SORCS2: variants seen among roughly 807,000 people sequenced by gnomAD.
SORCS2 encodes VPS10 domain-containing receptor SorCS2.
SORCS2 carries 100 observed loss-of-function variants against 141.6 expected under a neutral mutation model. The observed-to-expected ratio is 0.71, with a 90% CI of 0.60 to 0.83. The LOEUF is 0.83. SORCS2 is among the 40% of genes least tolerant of loss of function. SORCS2 has a pLI of 0.00. For synonymous variants in SORCS2, 789 were observed against 676.9 expected, an observed-to-expected ratio of 1.17 and a Z score of -2.57; for missense variants, 1,646 against 1,560.2, an observed-to-expected ratio of 1.05 and a Z score of -0.93.
At chr4:7,240,143 A>G (rs1712590684) in intron 1 of SORCS2, among the ~76,000 whole-genome samples, 1 of 151,760 alleles carries the variant, frequency 6.6e-6, no homozygotes, top group African/African-American at 2.4e-5. Flanking sequence ...GGCTGTGATG[A>G]CCCCGGCCCC....
chr4:7,724,165 G>GGTC (rs1478061214), intron 19 of SORCS2, among the ~76,000 whole-genome samples: 21 of 150,434 alleles, frequency 1.4e-4, no homozygotes, highest in African/African-American at 4.9e-4. Context: ...TGGTGGTGAT[G>GGTC]GTGGTGATGG....
intron 2 of SORCS2, among the ~76,000 whole-genome samples, chr4:7,473,846 G>A (rs1020396502): frequency 2.6e-5 from 4 of 152,272 alleles, no homozygotes; most frequent in South Asian, 2.1e-4. Flanking sequence ...TGGCTCTGGC[G>A]GGGTCTGGGG....
At chr4:7,278,151 G>C (rs887419470) in intron 1 of SORCS2, among the ~76,000 whole-genome samples, 1 of 152,162 alleles carries the variant, frequency 6.6e-6, no homozygotes, top group Non-Finnish European at 1.5e-5. Flanking sequence ...ACAGCCCCAC[G>C]CTGCACCCTG....
intron 1 of SORCS2, among the ~76,000 whole-genome samples, chr4:7,314,097 A>C (rs1577387780): frequency 6.6e-6 from 1 of 152,220 alleles, no homozygotes; most frequent in East Asian, 1.9e-4. Flanking sequence ...CCAGCAGCAC[A>C]TCTGCTTCTC....
chr4:7,305,044 T>C (rs1560178248), intron 1 of SORCS2, among the ~76,000 whole-genome samples: 1 of 151,860 alleles, frequency 6.6e-6, no homozygotes, highest in East Asian at 1.9e-4. Context: ...TTTTTTTTTT[T>C]TTTTTTGAGA....
chr4:7,736,471 A>G (rs1214844533), intron 25 of SORCS2, among the ~76,000 whole-genome samples: 1 of 152,194 alleles, frequency 6.6e-6, no homozygotes, highest in African/African-American at 2.4e-5. Flanking sequence ...TCATCTGTGA[A>G]ATGGGACCCT....
At chr4:7,373,952 T>G (rs1332916504) in intron 1 of SORCS2, among the ~76,000 whole-genome samples, 1 of 152,208 alleles carries the variant, frequency 6.6e-6, no homozygotes, top group Admixed American at 6.5e-5. Context: ...TGATTCCTGC[T>G]TTTATGCCTT....
intron 3 of SORCS2, among the ~76,000 whole-genome samples, chr4:7,560,486 G>T (rs752280855): frequency 7.9e-5 from 12 of 152,172 alleles, no homozygotes; most frequent in Non-Finnish European, 1.5e-4. Flanking sequence ...TAAGGTGGAG[G>T]TGACAGTGCT....
intron 3 of SORCS2, among the ~76,000 whole-genome samples, chr4:7,595,204 G>T (rs1329094421): frequency 6.6e-6 from 1 of 152,126 alleles, no homozygotes; most frequent in Non-Finnish European, 1.5e-5. Context: ...GTTTATTATG[G>T]ATACAACTCA....
At chr4:7,397,636 C>T (rs988686403) in intron 2 of SORCS2, among the ~76,000 whole-genome samples, 7 of 152,152 alleles carry the variant, frequency 4.6e-5, no homozygotes, top group South Asian at 2.1e-4. Context: ...CTCGTTCCTC[C>T]GGTGCTGGGC....
chr4:7,599,452 T>A (rs889101529), intron 3 of SORCS2, among the ~76,000 whole-genome samples: 1 of 152,086 alleles, frequency 6.6e-6, no homozygotes, highest in Non-Finnish European at 1.5e-5. Context: ...TAGGAGGTGG[T>A]GCTGTCATGC....
chr4:7,373,478 A>ATTTTTTTTTTTTTTTTTTTTTTTTTTT (rs71173496), intron 1 of SORCS2, among the ~76,000 whole-genome samples: 7 of 36,816 alleles, frequency 1.9e-4, no homozygotes, highest in Non-Finnish European at 2.1e-4. Context: ...ATATATATAT[A>ATTTTTTTTTTTTTTTTTTTTTTTTTTT]TTTTTTTTTT....
chr4:7,213,074 G>C lies in SORCS2; in HGVS notation c.480+19948G>C, dbSNP rs530259482. ...CAGAGCCACTGCCATTCATGTGGCA[G>C]GGCCACACCCATCCCCTCCTTCTGC... On this transcript the variant is annotated intron_variant, in intron 1 of 26. Transcript: ENST00000507866. 1.2e-3 allele frequency among the ~76,000 whole-genome samples: 184 copies of C among 152,290 alleles called. 1 individual carries two copies. Among genetic ancestry groups the C allele is most frequent in the Non-Finnish European group, 1.7e-3 (117 of 68,040 alleles).
intron 1 of SORCS2, among the ~76,000 whole-genome samples, chr4:7,197,948 G>A (rs1249715587): frequency 2.6e-5 from 4 of 152,230 alleles, no homozygotes; most frequent in Non-Finnish European, 5.9e-5. Flanking sequence ...GGTTTGTGGT[G>A]CAGGTGAAGT....
At chr4:7,397,316 G>GT (rs1453840408) in intron 2 of SORCS2, among the ~76,000 whole-genome samples, 1 of 152,140 alleles carries the variant, frequency 6.6e-6, no homozygotes, top group East Asian at 1.9e-4. Flanking sequence ...TTCTTTCTTT[G>GT]TGGTAGAAGG....
At chr4:7,623,609 C>T (rs888880428) in intron 3 of SORCS2, among the ~76,000 whole-genome samples, 1 of 152,162 alleles carries the variant, frequency 6.6e-6, no homozygotes, top group African/African-American at 2.4e-5. Flanking sequence ...TTCACATCTC[C>T]TGCGGCTGTC....
At chr4:7,650,426 C>T (rs996888942) in intron 4 of SORCS2, among the ~76,000 whole-genome samples, 19 of 152,188 alleles carry the variant, frequency 1.2e-4, no homozygotes, top group Non-Finnish European at 2.6e-4. Context: ...CCCAACATCC[C>T]TCAAAGCGGG....
chr4:7,354,403 A>AC (rs544338667), intron 1 of SORCS2, among the ~76,000 whole-genome samples: 117 of 150,664 alleles, frequency 7.8e-4, no homozygotes, highest in Non-Finnish European at 1.3e-3. Context: ...CCCAAGAAAG[A>AC]CCCCCCACCA....
At chr4:7,292,764 C>G (rs562098689) in intron 1 of SORCS2, among the ~76,000 whole-genome samples, 1 of 152,126 alleles carries the variant, frequency 6.6e-6, no homozygotes, top group East Asian at 1.9e-4. Context: ...GTTTTGGAGA[C>G]GTTGCCATGA....
Sources: allele counts gnomAD v4.1 joint callset (sites outside exome capture counted in the v4.1 genomes callset), GRCh38; gene constraint gnomAD v4.1.1; transcripts MANE v1.5; gene names NCBI Gene and HGNC (gene_info 2026-07-23, HGNC 2026-07-21).